Variants in PRKCB observed in about 807,000 individuals in gnomAD.
The protein encoded by PRKCB is protein kinase C beta.
A neutral mutation model predicts 81.5 loss-of-function variants in PRKCB; 13 were observed. The ratio of observed to expected loss-of-function variants is 0.16; its 90% CI spans 0.10 to 0.25. The LOEUF (loss-of-function observed/expected upper bound fraction) is 0.25. Among genes scored for constraint, PRKCB ranks in the 10% least tolerant of loss-of-function variants. PRKCB has a pLI of 1.00. For synonymous variants in PRKCB, 335 were observed against 321.4 expected (o/e 1.04, Z -0.45); for missense variants, 509 against 875.7 (o/e 0.58, Z 5.29).
chr16:24,218,864 C>T lies in PRKCB; in HGVS notation c.*4048C>T, dbSNP rs1968274403. On this transcript the variant is annotated 3_prime_UTR_variant, in exon 17 of 17. Coordinates refer to ENST00000643927, the MANE Select transcript of PRKCB (RefSeq NM_002738.7). ...TAATAAAACAGCCATGGGGTTGTCC[C>T]TCCAGTCCGAGAGACTGTGATGAGG... The T allele has an allele frequency of 1.0e-6, 1 of 985,296 alleles. No homozygotes were observed. The highest frequency in any genetic ancestry group is 1.2e-6 in the Non-Finnish European group (1 of 829,948). The allele number at this position is 985,296 out of a possible 1,614,324, so 61.0% of individuals were successfully genotyped here. A position where few individuals can be genotyped will look rare whatever the true frequency, so the allele number is the denominator to read the frequency against.
chr16:23,907,908 G>A (rs1254316682), intron 2 of PRKCB, among the ~76,000 whole-genome samples: 1 of 152,218 alleles, frequency 6.6e-6, no homozygotes, highest in Non-Finnish European at 1.5e-5. Context: ...TCTGAGAACC[G>A]GAGGTGGCAG....
intron 2 of PRKCB, among the ~76,000 whole-genome samples, chr16:23,922,886 G>A (rs1963845847): frequency 6.6e-6 from 1 of 150,424 alleles, no homozygotes; most frequent in African/African-American, 2.4e-5. Context: ...GATCCAGAGG[G>A]CATTTAATTT....
intron 5 of PRKCB, among the ~76,000 whole-genome samples, chr16:24,046,238 G>A (rs1005297673): frequency 2.6e-5 from 4 of 152,214 alleles, no homozygotes; most frequent in African/African-American, 9.6e-5. Flanking sequence ...TGTGGTCTAT[G>A]ATTACAAAGG....
intron 2 of PRKCB, among the ~76,000 whole-genome samples, chr16:23,877,902 C>T (rs894904196): frequency 2.0e-5 from 3 of 151,498 alleles, no homozygotes; most frequent in East Asian, 1.9e-4. Flanking sequence ...GGCATGATCT[C>T]GGCTCACCGC....
intron 2 of PRKCB, among the ~76,000 whole-genome samples, chr16:23,928,286 C>T (rs533591815): frequency 1.2e-4 from 18 of 151,952 alleles, no homozygotes; most frequent in Admixed American, 8.5e-4. Flanking sequence ...CGACCATGCC[C>T]GGCTAATTTT....
intron 2 of PRKCB, among the ~76,000 whole-genome samples, chr16:23,867,473 T>C (rs938882019): frequency 6.6e-6 from 1 of 152,220 alleles, no homozygotes; most frequent in African/African-American, 2.4e-5. Context: ...TATTGGACAA[T>C]TGTATTTCAT....
At position 24,214,825 on chromosome 16, in the gene PRKCB, G is replaced by A. The variant is rs199871261; in HGVS notation, c.*9G>A. On this transcript the variant is annotated 3_prime_UTR_variant, in exon 17 of 17. Coordinates refer to ENST00000643927, the MANE Select transcript of PRKCB (RefSeq NM_002738.7). The stretch of plus-strand genomic sequence containing the variant: ...CCGAAGTCAAGAGCTAAGTAGATGT[G>A]TAGATCTCCGTCCTTCATTTCTGTC... 2.1e-4 allele frequency: 339 copies of A among 1,612,380 alleles called. No homozygotes were observed. Among genetic ancestry groups the A allele is most frequent in the Non-Finnish European group, 2.6e-4 (311 of 1,178,858 alleles).
chr16:24,087,548 G>T (rs1302981905), intron 5 of PRKCB, among the ~76,000 whole-genome samples: 1 of 152,130 alleles, frequency 6.6e-6, no homozygotes, highest in Non-Finnish European at 1.5e-5. Context: ...ATGAATTACT[G>T]TTTTGAGGAC....
At chr16:23,990,425 T>C (rs1964869577) in intron 3 of PRKCB, among the ~76,000 whole-genome samples, 1 of 149,586 alleles carries the variant, frequency 6.7e-6, no homozygotes. Flanking sequence ...ACCACTGCAC[T>C]CCAGCCTGGG....
At chr16:24,150,201 G>T (rs1474858204) in intron 9 of PRKCB, among the ~76,000 whole-genome samples, 4 of 151,996 alleles carry the variant, frequency 2.6e-5, no homozygotes, top group Non-Finnish European at 5.9e-5. Context: ...TGTGGTGGTG[G>T]ACGCCTGTAA....
intron 2 of PRKCB, among the ~76,000 whole-genome samples, chr16:23,896,254 T>A (rs1320104855): frequency 6.6e-6 from 1 of 152,232 alleles, no homozygotes; most frequent in Non-Finnish European, 1.5e-5. Context: ...AAGACTTTTT[T>A]AAAGATGTGA....
At chr16:23,993,077 G>A (rs1305623311) in intron 3 of PRKCB, among the ~76,000 whole-genome samples, 1 of 152,026 alleles carries the variant, frequency 6.6e-6, no homozygotes, top group African/African-American at 2.4e-5. Flanking sequence ...TGTCAGCACC[G>A]AATCCCACCA....
chr16:24,092,324 T>G (rs1285554600), intron 5 of PRKCB, among the ~76,000 whole-genome samples: 1 of 152,240 alleles, frequency 6.6e-6, no homozygotes, highest in Non-Finnish European at 1.5e-5. Flanking sequence ...GCAGCAGTAT[T>G]CACAACAGCC....
Position 24,113,753 on chromosome 16 carries a change from A to G in PRKCB, c.918+684A>G, listed in dbSNP as rs146031653. Among the ~76,000 whole-genome samples the G allele has an allele frequency of 3.2e-3, 481 of 152,208 alleles. 4 individuals carry two copies. The highest frequency in any genetic ancestry group is 0.01 in the Middle Eastern group (3 of 294). ...CCTTTGCAAGGTTGTTTTATCTCCTAGAAAACTCTGATTAATCCTTCAAGA... is the reference window on the plus strand; with the variant it reads ...CCTTTGCAAGGTTGTTTTATCTCCTGGAAAACTCTGATTAATCCTTCAAGA... On this transcript the variant is annotated intron_variant, in intron 8 of 16. Coordinates refer to ENST00000643927, the MANE Select transcript of PRKCB (RefSeq NM_002738.7).
Position 24,032,011 on chromosome 16 carries a change from AGGTACAATGACCTCT to A in PRKCB, c.289-122_289-108del, listed in dbSNP as rs1567350965. 1.9e-5 allele frequency: 12 copies of A among 634,588 alleles called. No individual in the cohort carries two copies. In the East Asian group the frequency reaches 3.4e-4, roughly 18 times the overall value. The allele number at this position is 634,588 out of a possible 1,614,324, so 39.3% of individuals were successfully genotyped here. Reference sequence around the variant, plus strand: ...ACAGGGCTCCAGCGATGGTCCCAACAGGTACAATGACCTCTGGGGACCAAGTTCAGTTCTTGGTGA... The same window carrying A: ...ACAGGGCTCCAGCGATGGTCCCAACAGGGGACCAAGTTCAGTTCTTGGTGA... On this transcript the variant is annotated intron_variant, in intron 3 of 16. Transcript: ENST00000643927.
At chr16:24,103,827 C>A (rs901312028) in intron 7 of PRKCB, among the ~76,000 whole-genome samples, 1 of 151,706 alleles carries the variant, frequency 6.6e-6, no homozygotes, top group Non-Finnish European at 1.5e-5. Flanking sequence ...TTTTCTGAGG[C>A]GGTGTTTCAC....
chr16:23,974,194 G>A (rs1314101853), intron 2 of PRKCB, among the ~76,000 whole-genome samples: 1 of 152,076 alleles, frequency 6.6e-6, no homozygotes, highest in African/African-American at 2.4e-5. Flanking sequence ...AGGGATGCAG[G>A]CACATCCTGA....
chr16:23,981,507 T>A (rs1212350421), intron 2 of PRKCB, among the ~76,000 whole-genome samples: 1 of 151,618 alleles, frequency 6.6e-6, no homozygotes, highest in Non-Finnish European at 1.5e-5. Context: ...TGTCAGGGGG[T>A]CGGGGGTAGG....
Position 24,108,170 on chromosome 16 carries a change from CT to C in PRKCB, c.822-4792del, listed in dbSNP as rs71154279. 6.7e-3 allele frequency among the ~76,000 whole-genome samples: 948 copies of C among 142,548 alleles called. 8 individuals carry two copies. The highest frequency in any genetic ancestry group is 0.01 in the Non-Finnish European group (649 of 64,876). 93.5% of individuals were successfully genotyped at this position (142,548 alleles called of 152,430 possible). On this transcript the variant is annotated intron_variant, in intron 7 of 16. Coordinates refer to ENST00000643927, the MANE Select transcript of PRKCB (RefSeq NM_002738.7). ...GATTTCCATTTGTTTATTTTTTTTT[CT>C]TTTTTTTTTTATTGGAACATTAATT...
Sources: allele counts gnomAD v4.1 joint callset (sites outside exome capture counted in the v4.1 genomes callset), GRCh38; gene constraint gnomAD v4.1.1; transcripts MANE v1.5; gene names NCBI Gene and HGNC (gene_info 2026-07-23, HGNC 2026-07-21).